Variants in PITPNC1 observed in about 807,000 individuals in gnomAD.
PITPNC1 encodes the protein cytoplasmic phosphatidylinositol transfer protein 1.
PITPNC1 carries 18 observed loss-of-function variants against 44.7 expected under a neutral mutation model. The observed-to-expected ratio is 0.40, with a 90% confidence interval of 0.28 to 0.60. PITPNC1 has a LOEUF of 0.60. Among genes scored for constraint, PITPNC1 ranks in the 20% least tolerant of loss-of-function variants. The pLI is 0.39. For missense variants in PITPNC1, 290 were observed against 418.4 expected (o/e 0.69, Z 2.68); for synonymous variants, 141 against 149.6 (o/e 0.94, Z 0.42).
At chr17:67,462,532 G>T (rs1289755203) in intron 1 of PITPNC1, among the ~76,000 whole-genome samples, 2 of 150,276 alleles carry the variant, frequency 1.3e-5, no homozygotes, top group Non-Finnish European at 3.0e-5. Context: ...GTGCCTGGCT[G>T]CACTTTTTCT....
intron 1 of PITPNC1, among the ~76,000 whole-genome samples, chr17:67,446,415 G>C (rs542875147): frequency 7.4e-6 from 1 of 135,602 alleles, no homozygotes; most frequent in African/African-American, 2.7e-5. Flanking sequence ...TCTGTTTTCA[G>C]AAAAAAAAAA....
chr17:67,616,910 C>T (rs561771737), intron 5 of PITPNC1, among the ~76,000 whole-genome samples: 6 of 152,190 alleles, frequency 3.9e-5, no homozygotes, highest in Middle Eastern at 3.4e-3. Flanking sequence ...TCTTTCTCTC[C>T]GGTGTATTGT....
chr17:67,679,843 A>T (rs184067614), intron 8 of PITPNC1, among the ~76,000 whole-genome samples: 3 of 152,336 alleles, frequency 2.0e-5, no homozygotes, highest in African/African-American at 7.2e-5. Flanking sequence ...GAAGGTGGAT[A>T]AAAATAGGCA....
chr17:67,608,237 A>AAC (rs1215314539), intron 5 of PITPNC1, among the ~76,000 whole-genome samples: 4 of 149,124 alleles, frequency 2.7e-5, no homozygotes, highest in Admixed American at 1.3e-4. Context: ...TGTCAATTAA[A>AAC]AAAAAAAAAC....
At chr17:67,533,503 C>CTTA (rs66866588) in intron 2 of PITPNC1, among the ~76,000 whole-genome samples, 1 of 1,548 alleles carries the variant, frequency 6.5e-4, no homozygotes, top group Non-Finnish European at 1.2e-3. Flanking sequence ...GAGTGAGGCC[C>CTTA]TTGAAAAAAA....
At chr17:67,494,573 G>C (rs574891405) in intron 1 of PITPNC1, among the ~76,000 whole-genome samples, 1 of 152,262 alleles carries the variant, frequency 6.6e-6, no homozygotes, top group South Asian at 2.1e-4. Context: ...ATCCCCAGTG[G>C]TTTTGCTTGC....
chr17:67,393,774 T>A (rs1413959415), intron 1 of PITPNC1, among the ~76,000 whole-genome samples: 1 of 152,212 alleles, frequency 6.6e-6, no homozygotes, highest in African/African-American at 2.4e-5. Flanking sequence ...AAGACAGTGC[T>A]GTAGCAGGTA....
At chr17:67,489,399 G>T (rs1247603118) in intron 1 of PITPNC1, among the ~76,000 whole-genome samples, 1 of 152,274 alleles carries the variant, frequency 6.6e-6, no homozygotes, top group African/African-American at 2.4e-5. Flanking sequence ...AAAGATCATG[G>T]GCTATAAATG....
intron 1 of PITPNC1, among the ~76,000 whole-genome samples, chr17:67,519,463 C>T (rs1032973196): frequency 9.2e-5 from 14 of 152,282 alleles, no homozygotes; most frequent in African/African-American, 3.4e-4. Context: ...AGATGTGAGA[C>T]ACCATGCCCA....
chr17:67,460,745 T>C (rs1209272165), intron 1 of PITPNC1, among the ~76,000 whole-genome samples: 898 of 81,612 alleles, frequency 0.011, 3 homozygotes, highest in Non-Finnish European at 0.017. Flanking sequence ...TCTTTCTTTT[T>C]TTTTTTTTTT....
At chr17:67,578,079 G>A (rs928626551) in intron 4 of PITPNC1, 107 bp from the exon 5 acceptor site, 11 of 767,912 alleles carry the variant, frequency 1.4e-5, no homozygotes, top group African/African-American at 6.8e-5. Context: ...TTTCTGTTCC[G>A]GGACGGTGCT....
chr17:67,642,696 G>A (rs974012197), intron 6 of PITPNC1, among the ~76,000 whole-genome samples: 2 of 152,044 alleles, frequency 1.3e-5, no homozygotes, highest in Non-Finnish European at 1.5e-5. Flanking sequence ...CTGAAGCACC[G>A]TGCCTAGTGC....
chr17:67,412,681 C>G (rs901524272), intron 1 of PITPNC1, among the ~76,000 whole-genome samples: 3 of 152,170 alleles, frequency 2.0e-5, no homozygotes, highest in Admixed American at 2.0e-4. Context: ...ATTCTCCTGC[C>G]TCAGCCTCCC....
At chr17:67,392,954 C>T (rs1003652147) in intron 1 of PITPNC1, among the ~76,000 whole-genome samples, 6 of 151,762 alleles carry the variant, frequency 4.0e-5, no homozygotes, top group African/African-American at 1.5e-4. Context: ...ATGGTGAAAC[C>T]CCATCTCTAC....
chr17:67,610,647 G>A (rs1250920543), intron 5 of PITPNC1, among the ~76,000 whole-genome samples: 1 of 152,122 alleles, frequency 6.6e-6, no homozygotes, highest in Non-Finnish European at 1.5e-5. Context: ...CATTAGCCGG[G>A]CGTGGTGGCT....
chr17:67,602,454 G>A (rs948753476), intron 5 of PITPNC1, among the ~76,000 whole-genome samples: 17 of 152,184 alleles, frequency 1.1e-4, no homozygotes, highest in Admixed American at 4.6e-4. Context: ...GGTGAAGGTC[G>A]TTGGAGGAGA....
intron 2 of PITPNC1, among the ~76,000 whole-genome samples, chr17:67,543,272 A>T (rs1167558216): frequency 1.3e-5 from 2 of 152,174 alleles, no homozygotes; most frequent in African/African-American, 4.8e-5. Context: ...TGCCCTGAGT[A>T]GATCTGAATT....
At chr17:67,546,295 G>GTA (rs67276045) in intron 2 of PITPNC1, among the ~76,000 whole-genome samples, 109 of 149,662 alleles carry the variant, frequency 7.3e-4, no homozygotes, top group Admixed American at 2.2e-3. Flanking sequence ...GACTATATAT[G>GTA]TATATATATA....
chr17:67,463,401 C>G (rs943626757), intron 1 of PITPNC1, among the ~76,000 whole-genome samples: 3 of 152,058 alleles, frequency 2.0e-5, no homozygotes, highest in African/African-American at 7.2e-5. Context: ...ATTGATTGAG[C>G]TTTCTCTGAG....
Sources: gnomAD v4.1 joint callset for allele counts (sites outside exome capture counted in the v4.1 genomes callset) on GRCh38, gnomAD v4.1.1 for gene constraint, MANE v1.5 for transcripts, NCBI Gene and HGNC (gene_info 2026-07-23, HGNC 2026-07-21) for gene names.